The following LSM4 variants were observed in gnomAD, a reference collection of about 807,000 sequenced individuals.
LSM4 encodes the protein U6 snRNA-associated Sm-like protein LSm4.
LSM4 carries 15 observed loss-of-function variants against 22.3 expected under a neutral mutation model. The observed-to-expected ratio is 0.67, with a 90% CI of 0.45 to 1.03. The LOEUF (loss-of-function observed/expected upper bound fraction) is 1.03. Among genes scored for constraint, LSM4 ranks in the 50% least tolerant of loss-of-function variants. LSM4 has a pLI of 0.00. For missense variants in LSM4, 127 were observed against 198.0 expected, an observed-to-expected ratio of 0.64 and a Z score of 2.15; for synonymous variants, 90 against 79.8, an observed-to-expected ratio of 1.13 and a Z score of -0.68.
Position 18,312,693 on chromosome 19 carries a change from G to A in LSM4, c.55C>T (p.Leu19=). 6.2e-7 allele frequency: 1 copy of A among 1,613,268 alleles called. No individual in the cohort carries two copies. Among genetic ancestry groups the A allele is most frequent in the Non-Finnish European group, 8.5e-7 (1 of 1,179,322 alleles). The stretch of plus-strand genomic sequence containing the variant: ...CCATTGTACGTCTCCCCATTTTTCA[G>A]CTCCACCAACTAGAAGAGAGACAGG... ...TAQNHPMLVE[L]KNGETYNGHL... is the part of the protein sequence containing the mutation. The change falls in exon 3 of 5, where the codon CTG becomes TTG. Residue 19 remains leucine, a synonymous_variant. Coordinates refer to ENST00000593829, the MANE Select transcript of LSM4 (RefSeq NM_012321.5).
chr19:18,313,952 T>C (rs949580668), intron 2 of LSM4, among the ~76,000 whole-genome samples: 3 of 152,110 alleles, frequency 2.0e-5, no homozygotes, highest in Non-Finnish European at 4.4e-5. Flanking sequence ...CCCAAGTAGC[T>C]GGGATTACAG....
At chr19:18,311,172 C>A (rs1379997327) in intron 3 of LSM4, among the ~76,000 whole-genome samples, 1 of 152,154 alleles carries the variant, frequency 6.6e-6, no homozygotes, top group Non-Finnish European at 1.5e-5. Context: ...CTCTCCCAGG[C>A]AGGGCCCAGA....
rs528495145 is a variant in LSM4, at chr19:18,317,897, T to TG, written c.4-1833dup. On this transcript the variant is annotated intron_variant, in intron 1 of 4. Transcript: ENST00000593829. ...GTCAAATATGTAGTATTTCTATTAC[T>TG]GGGGGGGAAATCAACACTTTCATTT... Among the ~76,000 whole-genome samples the TG allele has an allele frequency of 7.2e-5, 11 of 152,228 alleles. No homozygotes were observed. In the South Asian group the frequency reaches 2.3e-3, roughly 32 times the overall value.
chr19:18,309,461 CCT>C (rs1245473910), intron 4 of LSM4: 1 of 569,130 alleles, frequency 1.8e-6, no homozygotes, highest in East Asian at 3.1e-5. Flanking sequence ...CTTGATGTGC[CCT>C]GAGGACCGCC....
intron 4 of LSM4, among the ~76,000 whole-genome samples, chr19:18,308,483 G>C (rs943243254): frequency 6.6e-6 from 1 of 152,262 alleles, no homozygotes; most frequent in Non-Finnish European, 1.5e-5. Context: ...CAGCAGGAGA[G>C]CCAAGGCCAG....
In LSM4 at chr19:18,322,989, G is replaced by C. The variant is rs762986277; in HGVS notation, c.3+29C>G. 6 of 1,592,222 alleles carry C rather than the reference G, an allele frequency of 3.8e-6. No homozygotes were observed. The East Asian group carries it at 6.9e-5, about 18-fold the overall frequency. On this transcript the variant is annotated intron_variant, in intron 1 of 4. Transcript: ENST00000593829. ...CAACGACTGCTGTTCCCGCCTCCCG[G>C]TGAGACCCCGCAGTTGCCCTGCCCT...
chr19:18,308,422 G>T (rs1022284918), intron 4 of LSM4, among the ~76,000 whole-genome samples: 2 of 152,232 alleles, frequency 1.3e-5, no homozygotes, highest in Non-Finnish European at 2.9e-5. Context: ...CCGTTTCAGA[G>T]AACTTTCTAG....
intron 1 of LSM4, 74 bp from the exon 2 acceptor site, chr19:18,316,139 A>C: frequency 6.9e-7 from 1 of 1,448,144 alleles, no homozygotes; most frequent in Admixed American, 1.7e-5. Context: ...AGTCCCACCC[A>C]TGACTCATAG....
intron 4 of LSM4, among the ~76,000 whole-genome samples, chr19:18,308,166 G>A (rs747956135): frequency 1.3e-5 from 2 of 152,176 alleles, no homozygotes; most frequent in Non-Finnish European, 2.9e-5. Context: ...AGGTGACAGG[G>A]GGTTCCCGGG....
At chr19:18,314,126 T>C (rs1306156817) in intron 2 of LSM4, among the ~76,000 whole-genome samples, 2 of 151,996 alleles carry the variant, frequency 1.3e-5, no homozygotes, top group Non-Finnish European at 2.9e-5. Flanking sequence ...CCAAGAGAAA[T>C]GAACACAGGC....
intron 1 of LSM4, 187 bp from the exon 2 acceptor site, chr19:18,316,252 C>G (rs1970355692): frequency 1.9e-6 from 1 of 515,262 alleles, no homozygotes. Flanking sequence ...ACACCTGCCT[C>G]TCAGATTAGG....
chr19:18,316,337 A>ATTTT (rs35435536), intron 1 of LSM4: 26 of 123,254 alleles, frequency 2.1e-4, no homozygotes, highest in South Asian at 4.5e-4. Context: ...ACTCTGGTCA[A>ATTTT]TTTTTTTTTT....
At chr19:18,309,130 G>A (rs1428746770) in intron 4 of LSM4, among the ~76,000 whole-genome samples, 1 of 151,690 alleles carries the variant, frequency 6.6e-6, no homozygotes, top group Non-Finnish European at 1.5e-5. Flanking sequence ...GGGGCCTTCC[G>A]GGGGCAGCCA....
intron 2 of LSM4, among the ~76,000 whole-genome samples, chr19:18,315,274 CAACT>C (rs1970342585): frequency 6.6e-6 from 1 of 152,060 alleles, no homozygotes; most frequent in Non-Finnish European, 1.5e-5. Flanking sequence ...CTTAGGCTCC[CAACT>C]AACTGGAACT....
At chr19:18,322,155 C>T (rs1230476751) in intron 1 of LSM4, among the ~76,000 whole-genome samples, 2 of 152,186 alleles carry the variant, frequency 1.3e-5, no homozygotes, top group Admixed American at 6.5e-5. Flanking sequence ...GATGCAGCCA[C>T]CCCTGGGGGA....
chr19:18,309,793 G>T lies in LSM4; in HGVS notation c.213C>A (p.Ile71=). The part of the protein sequence containing the change: ...IRGSTIKYLR[I]PDEIIDMVKE... ...TGACCATGTCGATGATCTCGTCGGG[G>T]ATGCGCAGGTACTTGATGGTGCTGC... is the stretch of plus-strand genomic sequence containing the variant. Residue 71 remains isoleucine, a synonymous_variant, in exon 4 of 5, where the codon ATC becomes ATA. Transcript: ENST00000593829. 2 of 1,613,998 alleles carry T rather than the reference G, an allele frequency of 1.2e-6. No homozygotes were observed. Among genetic ancestry groups the T allele is most frequent in the Non-Finnish European group, 1.7e-6 (2 of 1,179,954 alleles).
At chr19:18,321,472 T>C (rs1173114962) in intron 1 of LSM4, among the ~76,000 whole-genome samples, 2 of 152,210 alleles carry the variant, frequency 1.3e-5, no homozygotes, top group Non-Finnish European at 2.9e-5. Context: ...TTCCTAGGTA[T>C]AGGCCAAACT....
chr19:18,319,247 A>C (rs898419171), intron 1 of LSM4, among the ~76,000 whole-genome samples: 3 of 149,874 alleles, frequency 2.0e-5, no homozygotes, highest in Admixed American at 1.3e-4. Flanking sequence ...TTCAAAAAAA[A>C]ACAAAAAACA....
In LSM4 at chr19:18,306,278, T is replaced by C. The variant is rs1970219899; in HGVS notation, c.*1186A>G. The C allele has an allele frequency of 6.6e-6, 1 of 152,110 alleles. No homozygotes were observed. Among genetic ancestry groups the C allele is most frequent in the African/African-American group, 2.4e-5 (1 of 41,430 alleles). 9.4% of individuals were successfully genotyped at this position (152,110 alleles called of 1,614,324 possible). ...CTTTTATTCCAATCACCTCTCAAAA[T>C]AGGTCTCCGAACGAGGACCCTGAAG... On this transcript the variant is annotated 3_prime_UTR_variant, in exon 5 of 5. Coordinates refer to ENST00000593829, the MANE Select transcript of LSM4 (RefSeq NM_012321.5).
Sources: allele counts gnomAD v4.1 joint callset (sites outside exome capture counted in the v4.1 genomes callset), GRCh38; gene constraint gnomAD v4.1.1; transcripts MANE v1.5; gene names NCBI Gene and HGNC (gene_info 2026-07-23, HGNC 2026-07-21).